RALGAPA1: variants seen among roughly 807,000 people sequenced by gnomAD.
RALGAPA1 encodes Ral GTPase activating protein catalytic subunit alpha 1.
In RALGAPA1, 52 loss-of-function variants were observed where a neutral mutation model predicts 269.6. That is an observed-to-expected ratio of 0.19 (90% CI 0.15 to 0.24). The LOEUF is 0.24. Ranked by LOEUF, RALGAPA1 falls within the 10% of genes least tolerant of loss-of-function variation. RALGAPA1 has a pLI of 1.00. For missense variants in RALGAPA1, 1,917 were observed against 3,013.9 expected (o/e 0.64, Z 8.52); for synonymous variants, 817 against 1,008.3 (o/e 0.81, Z 3.60).
In RALGAPA1 at chr14:35,785,915, T is replaced by G. The variant is rs1395864409; in HGVS notation, c.107-10170A>C. Among the ~76,000 whole-genome samples the G allele has an allele frequency of 1.2e-4, 19 of 152,194 alleles. 1 individual carries two copies. On this transcript the variant is annotated intron_variant, in intron 1 of 41. Transcript: ENST00000680220. Reference sequence around the variant, plus strand: ...GGAATGGGCCAGGCACAGTGGCTTATGCCTGATACCAGCACTTTGGGAGGC... The same window carrying G: ...GGAATGGGCCAGGCACAGTGGCTTAGGCCTGATACCAGCACTTTGGGAGGC...
chr14:35,664,883 A>G, intron 26 of RALGAPA1, 116 bp from the exon 27 acceptor site: 1 of 880,008 alleles, frequency 1.1e-6, no homozygotes, highest in Non-Finnish European at 1.7e-6. Flanking sequence ...AACAAAATTT[A>G]AAAAGGAAAG....
At chr14:35,622,360 G>A (rs1306198990) in intron 35 of RALGAPA1, among the ~76,000 whole-genome samples, 1 of 151,806 alleles carries the variant, frequency 6.6e-6, no homozygotes, top group African/African-American at 2.4e-5. Flanking sequence ...ATTGGGGCCT[G>A]TTGGGGGATT....
intron 5 of RALGAPA1, among the ~76,000 whole-genome samples, chr14:35,761,965 T>C (rs1299398600): frequency 6.6e-6 from 1 of 152,172 alleles, no homozygotes; most frequent in East Asian, 1.9e-4. Flanking sequence ...GCAAGATATT[T>C]TCGGAATGGG....
At position 35,776,587 on chromosome 14, in the gene RALGAPA1, A is replaced by G. The variant is rs1385375215; in HGVS notation, c.107-842T>C. Among the ~76,000 whole-genome samples the G allele has an allele frequency of 2.6e-5, 4 of 152,216 alleles. No homozygotes were observed. In the East Asian group the frequency reaches 7.7e-4, roughly 29 times the overall value. On this transcript the variant is annotated intron_variant, in intron 1 of 41. Coordinates refer to ENST00000680220, the MANE Select transcript of RALGAPA1 (RefSeq NM_001346249.2). ...ATGAACAGTAGAAGTGTTAGTACTA[A>G]AAGTGAGATGTCAAAGTATATGGCA...
intron 22 of RALGAPA1, among the ~76,000 whole-genome samples, chr14:35,675,686 T>C (rs561447214): frequency 5.6e-4 from 86 of 152,288 alleles, no homozygotes; most frequent in Non-Finnish European, 1.1e-3. Flanking sequence ...TAGATATCAT[T>C]ATAGGTTGCC....
intron 16 of RALGAPA1, chr14:35,716,027 G>A (rs2068787791): frequency 3.0e-6 from 3 of 984,100 alleles, no homozygotes; most frequent in Non-Finnish European, 3.6e-6. Flanking sequence ...CTGGCAATAC[G>A]AGTCATGTAA....
intron 39 of RALGAPA1, among the ~76,000 whole-genome samples, chr14:35,567,147 A>C (rs1451746747): frequency 6.6e-6 from 1 of 151,890 alleles, no homozygotes; most frequent in Non-Finnish European, 1.5e-5. Context: ...AAAACTTCAG[A>C]TTTTCTGTTT....
chr14:35,674,743 T>G, intron 22 of RALGAPA1, 34 bp from the exon 23 acceptor site: 1 of 1,141,516 alleles, frequency 8.8e-7, no homozygotes, highest in Non-Finnish European at 1.3e-6. Context: ...CAGCCATTTT[T>G]CAGTGAACTG....
intron 1 of RALGAPA1, among the ~76,000 whole-genome samples, chr14:35,800,961 C>T (rs1400383018): frequency 2.0e-5 from 3 of 151,528 alleles, no homozygotes; most frequent in African/African-American, 4.9e-5. Context: ...GGCAAGATTG[C>T]GCCATTGCAC....
chr14:35,725,301 T>C (rs760980663), intron 13 of RALGAPA1, 148 bp from the exon 14 acceptor site: 17 of 474,658 alleles, frequency 3.6e-5, no homozygotes, highest in Non-Finnish European at 5.7e-5. Context: ...TCCTTAAATA[T>C]TAAAAATTAA....
intron 1 of RALGAPA1, among the ~76,000 whole-genome samples, chr14:35,783,111 C>A (rs2075566014): frequency 6.6e-6 from 1 of 152,018 alleles, no homozygotes; most frequent in African/African-American, 2.4e-5. Flanking sequence ...GCATGAGCCA[C>A]CAAGAACAAT....
At chr14:35,668,853 A>G (rs2064167909) in intron 26 of RALGAPA1, among the ~76,000 whole-genome samples, 1 of 152,224 alleles carries the variant, frequency 6.6e-6, no homozygotes, top group African/African-American at 2.4e-5. Context: ...AATGATAAAA[A>G]TGGTAAATTA....
chr14:35,763,789 T>G lies in RALGAPA1; in HGVS notation c.326-1036A>C, dbSNP rs995956919. Among the ~76,000 whole-genome samples the G allele has an allele frequency of 4.8e-3, 733 of 151,234 alleles. 5 individuals carry two copies. The highest frequency in any genetic ancestry group is 0.015 in the African/African-American group (616 of 40,934). On this transcript the variant is annotated intron_variant, in intron 4 of 41. Transcript: ENST00000680220. Reference sequence around the variant, plus strand: ...TCCCCGGGGTGTGTATATATATATATATATAGAGAGAGAGAGAGAGAGGAA... The same window carrying G: ...TCCCCGGGGTGTGTATATATATATAGATATAGAGAGAGAGAGAGAGAGGAA...
intron 22 of RALGAPA1, chr14:35,677,527 A>T (rs751166486): frequency 6.5e-6 from 1 of 153,138 alleles, no homozygotes; most frequent in East Asian, 1.9e-4. Flanking sequence ...GCTGAATCAA[A>T]ATAAAAAAAA....
chr14:35,751,916 C>T, intron 8 of RALGAPA1, 108 bp downstream of exon 8: 13 of 1,418,432 alleles, frequency 9.2e-6, no homozygotes, highest in Non-Finnish European at 9.3e-6. Context: ...CCAACCAATA[C>T]AAGTATTAAA....
At chr14:35,617,310 C>T (rs1594830600) in intron 35 of RALGAPA1, among the ~76,000 whole-genome samples, 2 of 151,882 alleles carry the variant, frequency 1.3e-5, no homozygotes, top group Admixed American at 6.6e-5. Flanking sequence ...GGTGAAACCC[C>T]GTCTCTACTA....
chr14:35,694,619 ATCTTC>A (rs1681076760), intron 17 of RALGAPA1, among the ~76,000 whole-genome samples: 1 of 150,852 alleles, frequency 6.6e-6, no homozygotes, highest in Non-Finnish European at 1.5e-5. Context: ...CCAGTCGACT[ATCTTC>A]TCTTTTATTC....
At chr14:35,721,914 G>A (rs1000861103) in intron 15 of RALGAPA1, 65 bp from the exon 16 acceptor site, 62 of 1,362,972 alleles carry the variant, frequency 4.5e-5, no homozygotes, top group Admixed American at 8.7e-5. Context: ...CAAGTTATGC[G>A]TGCTACCTTG....
At chr14:35,563,772 C>T (rs1004430229) in intron 39 of RALGAPA1, among the ~76,000 whole-genome samples, 4 of 152,112 alleles carry the variant, frequency 2.6e-5, no homozygotes, top group Admixed American at 6.5e-5. Flanking sequence ...GTTCTTGGAA[C>T]ACTTACACTA....
Sources: allele counts gnomAD v4.1 joint callset (sites outside exome capture counted in the v4.1 genomes callset), GRCh38; gene constraint gnomAD v4.1.1; transcripts MANE v1.5; gene names NCBI Gene and HGNC (gene_info 2026-07-23, HGNC 2026-07-21).